The following LRRTM4 variants were observed in gnomAD, a reference collection of about 807,000 sequenced individuals.
LRRTM4 encodes the protein leucine rich repeat transmembrane neuronal 4.
In LRRTM4, 25 loss-of-function variants were observed where a neutral mutation model predicts 47.6. The ratio of observed to expected loss-of-function variants is 0.53; its 90% CI spans 0.38 to 0.73. The LOEUF (loss-of-function observed/expected upper bound fraction) is 0.73. Ranked by LOEUF, LRRTM4 falls within the 30% of genes least tolerant of loss-of-function variation. The pLI is 0.00. For missense variants in LRRTM4, 638 were observed against 713.4 expected (o/e 0.89, Z 1.20); for synonymous variants, 311 against 269.5 (o/e 1.15, Z -1.51).
intron 3 of LRRTM4, among the ~76,000 whole-genome samples, chr2:77,071,416 G>A (rs909773925): frequency 1.3e-5 from 2 of 152,020 alleles, no homozygotes; most frequent in African/African-American, 4.8e-5. Flanking sequence ...GAAAATTTAT[G>A]AGTGATATAA....
chr2:77,436,165 G>T (rs1418497364), intron 3 of LRRTM4, among the ~76,000 whole-genome samples: 1 of 152,056 alleles, frequency 6.6e-6, no homozygotes, highest in Non-Finnish European at 1.5e-5. Flanking sequence ...AAAACATGCT[G>T]CATATTCTTA....
intron 3 of LRRTM4, chr2:76,990,062 T>C (rs1241024078): frequency 6.6e-6 from 1 of 151,790 alleles, no homozygotes. Flanking sequence ...TCCATAAAAG[T>C]TCTTTCTGGG....
intron 3 of LRRTM4, among the ~76,000 whole-genome samples, chr2:76,805,959 C>G (rs759757713): frequency 6.6e-6 from 1 of 152,076 alleles, no homozygotes; most frequent in African/African-American, 2.4e-5. Flanking sequence ...ATTTCTATCT[C>G]GAAGGACCAC....
intron 3 of LRRTM4, among the ~76,000 whole-genome samples, chr2:77,176,309 C>T (rs147737155): frequency 1.3e-5 from 2 of 152,274 alleles, no homozygotes; most frequent in East Asian, 1.9e-4. Context: ...TTCTGACCTC[C>T]GTTAAGGATT....
At chr2:77,186,305 G>A (rs973946121) in intron 3 of LRRTM4, among the ~76,000 whole-genome samples, 2 of 152,154 alleles carry the variant, frequency 1.3e-5, no homozygotes, top group African/African-American at 4.8e-5. Context: ...ATCACCAGGA[G>A]TGACTTCCTC....
intron 3 of LRRTM4, among the ~76,000 whole-genome samples, chr2:77,353,744 A>G (rs1671868887): frequency 6.6e-6 from 1 of 152,072 alleles, no homozygotes; most frequent in South Asian, 2.1e-4. Flanking sequence ...CAACCAAATT[A>G]TTATCTAAGT....
chr2:77,521,433 T>C (rs975282434), intron 2 of LRRTM4, among the ~76,000 whole-genome samples: 3 of 151,818 alleles, frequency 2.0e-5, no homozygotes, highest in Admixed American at 2.0e-4. Context: ...GTCTTAAAGA[T>C]ATTTCTCTAG....
intron 3 of LRRTM4, among the ~76,000 whole-genome samples, chr2:77,018,955 T>C (rs1573458316): frequency 6.6e-6 from 1 of 152,186 alleles, no homozygotes; most frequent in East Asian, 1.9e-4. Flanking sequence ...TAAATTCTGA[T>C]TATTTTCATT....
intron 3 of LRRTM4, among the ~76,000 whole-genome samples, chr2:77,150,068 G>T (rs1672374627): frequency 6.6e-6 from 1 of 151,960 alleles, no homozygotes; most frequent in Admixed American, 6.6e-5. Context: ...ATTTAGTAAA[G>T]AATAGAAGAG....
intron 3 of LRRTM4, among the ~76,000 whole-genome samples, chr2:77,191,500 AC>A (rs1673668824): frequency 6.6e-6 from 1 of 151,900 alleles, no homozygotes; most frequent in Admixed American, 6.6e-5. Context: ...TTAATTAAAA[AC>A]AAAAAAGCAG....
At chr2:77,320,235 C>CT (rs1251290468) in intron 3 of LRRTM4, among the ~76,000 whole-genome samples, 1 of 152,028 alleles carries the variant, frequency 6.6e-6, no homozygotes, top group Non-Finnish European at 1.5e-5. Flanking sequence ...CATGAGGGTA[C>CT]TTTAACAAGA....
At chr2:76,776,098 T>A (rs1314059388) in intron 3 of LRRTM4, among the ~76,000 whole-genome samples, 2 of 152,210 alleles carry the variant, frequency 1.3e-5, no homozygotes, top group Non-Finnish European at 2.9e-5. Context: ...CATCATTTTT[T>A]ATGGCTGCAT....
chr2:77,308,613 G>T (rs1677357056), intron 3 of LRRTM4, among the ~76,000 whole-genome samples: 1 of 151,878 alleles, frequency 6.6e-6, no homozygotes, highest in African/African-American at 2.4e-5. Context: ...TCCACACTAT[G>T]TAAGTGAAGA....
At chr2:76,797,533 G>C (rs144504112) in intron 3 of LRRTM4, among the ~76,000 whole-genome samples, 3 of 151,680 alleles carry the variant, frequency 2.0e-5, no homozygotes, top group African/African-American at 4.9e-5. Context: ...AAAGACCATC[G>C]AGACTAGGAA....
intron 3 of LRRTM4, among the ~76,000 whole-genome samples, chr2:77,093,876 C>T (rs192173640): frequency 6.6e-6 from 1 of 151,812 alleles, no homozygotes; most frequent in African/African-American, 2.4e-5. Context: ...TTTCCTGGCT[C>T]ATCCTGGCTC....
chr2:77,249,491 A>T (rs929362473), intron 3 of LRRTM4, among the ~76,000 whole-genome samples: 15 of 30,998 alleles, frequency 4.8e-4, no homozygotes, highest in African/African-American at 2.2e-3. Flanking sequence ...GAAAATATTA[A>T]AAAAAAAACT....
intron 3 of LRRTM4, among the ~76,000 whole-genome samples, chr2:76,957,210 C>T (rs192011140): frequency 6.6e-6 from 1 of 151,572 alleles, no homozygotes; most frequent in Non-Finnish European, 1.5e-5. Context: ...TTAAAGTGGT[C>T]AAACTCTTAG....
rs534959079 is a variant in LRRTM4, at chr2:76,977,455, C to A, written c.1552-228539G>T. ...ATTGTAAGCTAACTCTGAAAAATTA[C>A]AAATGTTGATTTGTTCTCAATATGA... is the stretch of plus-strand genomic sequence containing the variant. On this transcript the variant is annotated intron_variant, in intron 3 of 3. Coordinates refer to ENST00000409884, the MANE Select transcript of LRRTM4 (RefSeq NM_001134745.3). Among the ~76,000 whole-genome samples the A allele has an allele frequency of 1.2e-3, 183 of 151,940 alleles. 1 individual carries two copies. Among genetic ancestry groups the A allele is most frequent in the African/African-American group, 4.3e-3 (178 of 41,524 alleles).
intron 3 of LRRTM4, among the ~76,000 whole-genome samples, chr2:77,325,769 C>T (rs770484805): frequency 6.6e-6 from 1 of 152,014 alleles, no homozygotes; most frequent in Non-Finnish European, 1.5e-5. Context: ...AGCTTTTTTC[C>T]CCACCTCTGC....
Sources: gnomAD v4.1 joint callset for allele counts (sites outside exome capture counted in the v4.1 genomes callset) on GRCh38, gnomAD v4.1.1 for gene constraint, MANE v1.5 for transcripts, NCBI Gene and HGNC (gene_info 2026-07-23, HGNC 2026-07-21) for gene names.